The following NF2 variants were observed in gnomAD, a reference collection of about 807,000 sequenced individuals.
NF2 encodes the protein NF2, moesin-ezrin-radixin like (MERLIN) tumor suppressor.
Under a neutral mutation model 83.7 loss-of-function variants are expected in NF2, and 8 were observed. The observed-to-expected ratio is 0.10, with a 90% CI of 0.06 to 0.17. The LOEUF (loss-of-function observed/expected upper bound fraction) is 0.17. NF2 is among the 10% of genes least tolerant of loss of function. NF2 has a pLI of 1.00. For synonymous variants in NF2, 266 were observed against 269.6 expected (o/e 0.99, Z 0.13); for missense variants, 533 against 744.4 (o/e 0.72, Z 3.31).
intron 1 of NF2, chr22:29,609,180 C>G: frequency 5.4e-6 from 4 of 743,952 alleles, no homozygotes; most frequent in Non-Finnish European, 7.6e-6. Flanking sequence ...GCCATAAAAC[C>G]AGGAACCTCA....
intron 13 of NF2, 59 bp downstream of exon 13, chr22:29,675,000 C>A: frequency 6.9e-7 from 1 of 1,439,204 alleles, no homozygotes; most frequent in South Asian, 1.2e-5. Flanking sequence ...CTCTTTCCTC[C>A]CGGCCCTTCA....
chr22:29,683,292 T>A, intron 15 of NF2: 1 of 1,447,512 alleles, frequency 6.9e-7, no homozygotes, highest in Non-Finnish European at 9.1e-7. Context: ...CCGAAGAGCA[T>A]GTCATGGGGC....
intron 1 of NF2, among the ~76,000 whole-genome samples, chr22:29,632,837 G>A (rs182601928): frequency 2.6e-5 from 4 of 152,256 alleles, no homozygotes; most frequent in African/African-American, 7.2e-5. Flanking sequence ...CTACAGTCTC[G>A]GGAGATGTTC....
rs2147176491 is a variant in NF2, at chr22:29,695,695, C to T, written c.*893C>T. The stretch of plus-strand genomic sequence containing the variant: ...GGCTATGACCAGGGATCTGTAAGCC[C>T]TGTGGCTCCACAGGTGCTGCTTCTC... On this transcript the variant is annotated 3_prime_UTR_variant, in exon 16 of 16. Coordinates refer to ENST00000338641, the MANE Select transcript of NF2 (RefSeq NM_000268.4). The surrounding 1 kb of genome is among the most constrained non-coding windows in gnomAD (Gnocchi z 5.4). 4.3e-6 allele frequency: 1 copy of T among 233,730 alleles called. No homozygotes were observed. The highest frequency in any genetic ancestry group is 6.0e-5 in the East Asian group (1 of 16,716). 14.5% of individuals were successfully genotyped at this position (233,730 alleles called of 1,614,324 possible).
rs201079878 is a variant in NF2 at position 29,671,787 on chromosome 22, C to A, written c.1000-39C>A. On this transcript the variant is annotated intron_variant, in intron 10 of 15. Transcript: ENST00000338641. The stretch of plus-strand genomic sequence containing the variant: ...CCCTTGTGGCACCCTAGGTCTCGAG[C>A]CCTGTGATTCAATGACTGTTTTTCT... The A allele has an allele frequency of 4.3e-5, 69 of 1,612,840 alleles. No individual in the cohort carries two copies. In the East Asian group the frequency reaches 9.6e-4, roughly 22 times the overall value.
intron 1 of NF2, among the ~76,000 whole-genome samples, chr22:29,625,969 G>C (rs1299967064): frequency 6.6e-6 from 1 of 152,080 alleles, no homozygotes; most frequent in East Asian, 1.9e-4. Context: ...TTGATAGTTT[G>C]ACATTCAGAT....
At chr22:29,626,782 A>T (rs559066108) in intron 1 of NF2, among the ~76,000 whole-genome samples, 2 of 152,302 alleles carry the variant, frequency 1.3e-5, no homozygotes, top group South Asian at 4.1e-4. Flanking sequence ...TGCTAGTTGT[A>T]CTTGATGTTT....
At chr22:29,683,410 T>C in intron 15 of NF2, 1 of 1,288,960 alleles carries the variant, frequency 7.8e-7, no homozygotes. Context: ...GGTGGCATAC[T>C]CCTAGCATGG....
At position 29,642,053 on chromosome 22, in the gene NF2, A is replaced by T. The variant is rs531851795; in HGVS notation, c.364-149A>T. ...GAACTCTCCACCTGTCTGCATCAGT[A>T]AAAAAAAAATTGTACCCTTTGTCAG... On this transcript the variant is annotated intron_variant, in intron 3 of 15. Transcript: ENST00000338641. The T allele has an allele frequency of 1.4e-4, 79 of 558,704 alleles. No individual in the cohort carries two copies. The South Asian group carries it at 1.5e-3, about 11-fold the overall frequency. 34.6% of individuals were successfully genotyped at this position (558,704 alleles called of 1,614,324 possible). A position where few individuals can be genotyped will look rare whatever the true frequency, so the allele number is the denominator to read the frequency against.
intron 1 of NF2, among the ~76,000 whole-genome samples, chr22:29,624,277 G>A (rs574105553): frequency 1.3e-5 from 2 of 152,112 alleles, no homozygotes; most frequent in East Asian, 1.9e-4. Flanking sequence ...GCACGATCTC[G>A]GCTCACTGCA....
At chr22:29,614,348 G>A (rs1032799203) in intron 1 of NF2, among the ~76,000 whole-genome samples, 20 of 152,140 alleles carry the variant, frequency 1.3e-4, no homozygotes, top group African/African-American at 4.3e-4. Flanking sequence ...GGAGGCCGAG[G>A]TGGGTGGCTC....
rs144718934 is a variant in NF2, at chr22:29,641,967, C to G, written c.364-235C>G. 5.3e-5 allele frequency among the ~76,000 whole-genome samples: 8 copies of G among 152,258 alleles called. No homozygotes were observed. The East Asian group carries it at 1.5e-3, about 29-fold the overall frequency. ...ACCGTTTTTACTCTTCAGCATTGAT[C>G]ATGAAGAGAAGAGATAAGGGGTTTT... On this transcript the variant is annotated intron_variant, in intron 3 of 15. Coordinates refer to ENST00000338641, the MANE Select transcript of NF2 (RefSeq NM_000268.4).
intron 1 of NF2, chr22:29,608,979 A>G: frequency 1.6e-6 from 1 of 635,628 alleles, no homozygotes; most frequent in Non-Finnish European, 2.9e-6. Flanking sequence ...TCTGGATGCT[A>G]GACTCTGGGG....
intron 4 of NF2, among the ~76,000 whole-genome samples, chr22:29,648,608 A>G (rs1453146336): frequency 6.6e-6 from 1 of 152,220 alleles, no homozygotes; most frequent in Non-Finnish European, 1.5e-5. Context: ...TAAAACTGTC[A>G]CAACAGATAG....
At chr22:29,675,731 A>C (rs541290163) in intron 13 of NF2, among the ~76,000 whole-genome samples, 16 of 152,260 alleles carry the variant, frequency 1.1e-4, no homozygotes, top group Admixed American at 3.3e-4. Flanking sequence ...ACTCACACAC[A>C]GCACAGTCAT....
intron 4 of NF2, among the ~76,000 whole-genome samples, chr22:29,644,284 G>T (rs1371632558): frequency 2.0e-5 from 3 of 150,596 alleles, no homozygotes; most frequent in Non-Finnish European, 4.4e-5. Context: ...TCCCAGACGG[G>T]GCGGCGGGGC....
At chr22:29,678,354 A>C in intron 14 of NF2, 31 bp downstream of exon 14, 1 of 1,611,192 alleles carries the variant, frequency 6.2e-7, no homozygotes, top group Non-Finnish European at 8.5e-7. Flanking sequence ...TGCTGTGGGC[A>C]GCTGTGAACT....
chr22:29,671,101 G>A (rs2066769779), intron 10 of NF2, among the ~76,000 whole-genome samples: 1 of 152,198 alleles, frequency 6.6e-6, no homozygotes, highest in African/African-American at 2.4e-5. Flanking sequence ...AGATGAGAAA[G>A]CTGCTTATTT....
intron 1 of NF2, among the ~76,000 whole-genome samples, chr22:29,612,038 C>T (rs2064965366): frequency 6.6e-6 from 1 of 152,124 alleles, no homozygotes; most frequent in African/African-American, 2.4e-5. Context: ...AACGGAGTCT[C>T]ACTCTGTCGT....
Sources: gnomAD v4.1 joint callset for allele counts (sites outside exome capture counted in the v4.1 genomes callset) on GRCh38, gnomAD v4.1.1 for gene constraint, Gnocchi (gnomAD v3.1) non-coding constraint, MANE v1.5 for transcripts, NCBI Gene and HGNC (gene_info 2026-07-23, HGNC 2026-07-21) for gene names.